The following TOPAZ1 variants were observed in gnomAD, a reference collection of about 807,000 sequenced individuals.
TOPAZ1 encodes protein TOPAZ1.
Under a neutral mutation model 172.2 loss-of-function variants are expected in TOPAZ1, and 66 were observed. The ratio of observed to expected loss-of-function variants is 0.38; its 90% CI spans 0.31 to 0.47. TOPAZ1 has a LOEUF of 0.47. TOPAZ1 is among the 20% of genes least tolerant of loss of function. TOPAZ1 has a pLI of 0.99. For synonymous variants in TOPAZ1, 681 were observed against 683.9 expected (o/e 1.00, Z 0.07); for missense variants, 1,822 against 1,972.4 (o/e 0.92, Z 1.44).
chr3:44,268,826 G>A (rs993609201), intron 6 of TOPAZ1, among the ~76,000 whole-genome samples: 1 of 152,056 alleles, frequency 6.6e-6, no homozygotes, highest in Non-Finnish European at 1.5e-5. Flanking sequence ...TTAATTTTTT[G>A]GGGACACAGT....
At chr3:44,276,250 A>G (rs757859147) in intron 8 of TOPAZ1, among the ~76,000 whole-genome samples, 4 of 152,138 alleles carry the variant, frequency 2.6e-5, no homozygotes, top group African/African-American at 4.8e-5. Context: ...AGTTTTTGCC[A>G]TAAAATCTTT....
intron 4 of TOPAZ1, among the ~76,000 whole-genome samples, chr3:44,259,917 T>C (rs1699756781): frequency 6.6e-6 from 1 of 152,198 alleles, no homozygotes. Flanking sequence ...AAATCTCACC[T>C]TGAATCCACA....
At position 44,306,507 on chromosome 3, in the gene TOPAZ1, C is replaced by A. The variant is rs534790993; in HGVS notation, c.4140+81C>A. 3.0e-5 allele frequency: 23 copies of A among 758,644 alleles called. No homozygotes were observed. In the East Asian group the frequency reaches 4.9e-4, roughly 16 times the overall value. The allele number at this position is 758,644 out of a possible 1,614,324, so 47.0% of individuals were successfully genotyped here. On this transcript the variant is annotated intron_variant, in intron 15 of 19. Transcript: ENST00000309765. ...ATGAACAGAATATAAGTTAACCCTG[C>A]AAATTAGGAGTTTGCTAATAATCAT...
At position 44,296,865 on chromosome 3, in the gene TOPAZ1, G is replaced by GAAAAA. The variant is rs1164667443; in HGVS notation, c.3797+5985_3797+5989dup. Among the ~76,000 whole-genome samples, 606 of 87,502 alleles carry GAAAAA rather than the reference G, an allele frequency of 6.9e-3. 18 individuals are homozygous for GAAAAA. Among genetic ancestry groups the GAAAAA allele is most frequent in the South Asian group, 0.012 (33 of 2,774 alleles). 57.4% of individuals were successfully genotyped at this position (87,502 alleles called of 152,430 possible). Reference sequence around the variant, plus strand: ...AGAATACCAAAAAAAAAAAAAAAAAGAAAAAAAAAAGAAAAGCAAATTACG... The same window carrying GAAAAA: ...AGAATACCAAAAAAAAAAAAAAAAAGAAAAAAAAAAAAAAAGAAAAGCAAATTACG... On this transcript the variant is annotated intron_variant, in intron 12 of 19. Transcript: ENST00000309765.
chr3:44,243,329 A>G lies in TOPAZ1; in HGVS notation c.823A>G (p.Asn275Asp), dbSNP rs1417281867. The G allele has an allele frequency of 6.4e-7, 1 of 1,551,446 alleles. No individual in the cohort carries two copies. Among genetic ancestry groups the G allele is most frequent in the Non-Finnish European group, 8.7e-7 (1 of 1,146,910 alleles). Residue 275 changes from asparagine to aspartate, a missense_variant, in exon 2 of 20, where the codon AAT becomes GAT. By Grantham distance (23) the Asn-to-Asp change is conservative (BLOSUM62 1). Coordinates refer to ENST00000309765, the MANE Select transcript of TOPAZ1 (RefSeq NM_001145030.2). The part of the protein sequence containing the change: ...LRSLAEKSDT[N>D]SIPQLLQTEE... ...GAGTCTTGCAGAGAAGAGTGACACA[A>G]ATAGTATTCCTCAGCTCTTACAAAC...
chr3:44,280,143 A>C (rs1321220050), intron 8 of TOPAZ1, among the ~76,000 whole-genome samples: 1 of 152,028 alleles, frequency 6.6e-6, no homozygotes, highest in Admixed American at 6.6e-5. Context: ...TGCTGAGTAT[A>C]ATATCCATAT....
At chr3:44,321,249 A>C in intron 17 of TOPAZ1, 58 bp downstream of exon 17, 1 of 1,207,868 alleles carries the variant, frequency 8.3e-7, no homozygotes, top group Non-Finnish European at 1.1e-6. Flanking sequence ...TTTAACTGTT[A>C]ATAAGAAATA....
chr3:44,253,486 G>T (rs1559526055), intron 2 of TOPAZ1, among the ~76,000 whole-genome samples: 2 of 152,102 alleles, frequency 1.3e-5, no homozygotes, highest in Non-Finnish European at 2.9e-5. Context: ...GCAGAGGGAG[G>T]TGTTAAGGTT....
At chr3:44,328,562 T>C in intron 19 of TOPAZ1, 129 bp downstream of exon 19, 3 of 440,684 alleles carry the variant, frequency 6.8e-6, no homozygotes, top group Non-Finnish European at 1.1e-5. Context: ...TATATGTACT[T>C]TATGTGTGTG....
chr3:44,290,924 T>G (rs1245616135), intron 12 of TOPAZ1, 38 bp downstream of exon 12: 1 of 1,337,498 alleles, frequency 7.5e-7, no homozygotes, highest in African/African-American at 1.5e-5. Context: ...AAAATATATG[T>G]GTCTTGGTGG....
intron 4 of TOPAZ1, among the ~76,000 whole-genome samples, chr3:44,261,630 C>T (rs2125682863): frequency 6.6e-6 from 1 of 152,264 alleles, no homozygotes; most frequent in African/African-American, 2.4e-5. Context: ...ATTGCCTTGT[C>T]TATTCGCACT....
chr3:44,298,929 T>TTTTTTTTTTTG, intron 12 of TOPAZ1, among the ~76,000 whole-genome samples: 9 of 52,526 alleles, frequency 1.7e-4, no homozygotes, highest in African/African-American at 3.9e-4. Context: ...TTTTTTTTTT[T>TTTTTTTTTTTG]TTTTTCCCCC....
intron 18 of TOPAZ1, among the ~76,000 whole-genome samples, chr3:44,324,861 T>C (rs1700581250): frequency 6.6e-6 from 1 of 152,208 alleles, no homozygotes; most frequent in East Asian, 1.9e-4. Flanking sequence ...TTAAAGATTT[T>C]TTTAGCAGTG....
intron 11 of TOPAZ1, 147 bp downstream of exon 11, chr3:44,287,986 A>G (rs1700097897): frequency 1.7e-6 from 1 of 574,916 alleles, no homozygotes; most frequent in African/African-American, 2.0e-5. Flanking sequence ...TTCTCTTGAA[A>G]TAGGGTTTAT....
intron 12 of TOPAZ1, among the ~76,000 whole-genome samples, chr3:44,292,982 A>G (rs1047007029): frequency 6.6e-6 from 1 of 152,174 alleles, no homozygotes; most frequent in Non-Finnish European, 1.5e-5. Flanking sequence ...TCAAACCATT[A>G]CAGTTATGTG....
At chr3:44,256,067 C>T in intron 3 of TOPAZ1, 84 bp from the exon 4 acceptor site, 1 of 1,065,058 alleles carries the variant, frequency 9.4e-7, no homozygotes, top group Non-Finnish European at 1.3e-6. Context: ...CCTCTGAATT[C>T]TGAGTCATTT....
At position 44,323,273 on chromosome 3, in the gene TOPAZ1, C is replaced by T; in HGVS notation, c.4653C>T (p.Leu1551=). ...CTTTAGGAAGGAGTCGTTTATGGCT[C>T]AAAGCCAGAGCCCACTACAAAAGTA... The part of the protein sequence containing the change: ...ITSLGRSRLW[L]KARAHYKSAL... Residue 1551 remains leucine (L), a synonymous_variant, in exon 18 of 20, where the codon CTC becomes CTT. Transcript: ENST00000309765. 2 of 1,547,842 alleles carry T rather than the reference C, an allele frequency of 1.3e-6. No homozygotes were observed. Among genetic ancestry groups the T allele is most frequent in the South Asian group, 1.2e-5 (1 of 83,430 alleles).
At chr3:44,335,329 T>A (rs986348400), downstream of TOPAZ1, among the ~76,000 whole-genome samples, 19 of 152,046 alleles carry the variant, frequency 1.2e-4, no homozygotes, top group Non-Finnish European at 2.1e-4. Context: ...AGTTTTTTTT[T>A]AAATATGCTA....
chr3:44,292,961 G>T lies in TOPAZ1; in HGVS notation c.3797+2075G>T, dbSNP rs571637405. 3.3e-5 allele frequency among the ~76,000 whole-genome samples: 5 copies of T among 152,112 alleles called. No individual in the cohort carries two copies. The East Asian group carries it at 9.6e-4, about 29-fold the overall frequency. On this transcript the variant is annotated intron_variant, in intron 12 of 19. Transcript: ENST00000309765. ...ATCTTTATACCCTCTGCCCCTTTCT[G>T]TGCTCCCACTTCAAACCATTACAGT... is the stretch of plus-strand genomic sequence containing the variant.
Sources: allele counts gnomAD v4.1 joint callset (sites outside exome capture counted in the v4.1 genomes callset), GRCh38; gene constraint gnomAD v4.1.1; transcripts MANE v1.5; gene names NCBI Gene and HGNC (gene_info 2026-07-23, HGNC 2026-07-21).